GNB1: variants seen among roughly 807,000 people sequenced by gnomAD.
GNB1 encodes the protein guanine nucleotide-binding protein G(I)/G(S)/G(T) subunit beta-1.
A neutral mutation model predicts 42.9 loss-of-function variants in GNB1; 2 were observed. That is an observed-to-expected ratio of 0.05 (90% confidence interval 0.02 to 0.15). The LOEUF (loss-of-function observed/expected upper bound fraction) is 0.15, where lower values mean the gene tolerates loss of function less well. GNB1 is among the 10% of genes least tolerant of loss of function. The pLI is 1.00. For missense variants in GNB1, 193 were observed against 462.2 expected (o/e 0.42, Z 5.34); for synonymous variants, 183 against 174.7 (o/e 1.05, Z -0.38).
chr1:1,811,142 G>C (rs1026493204), intron 5 of GNB1, among the ~76,000 whole-genome samples: 2 of 150,050 alleles, frequency 1.3e-5, no homozygotes, highest in African/African-American at 2.5e-5. Flanking sequence ...CTGGAGTGCA[G>C]TGGTGTGATC....
chr1:1,818,714 A>G (rs1329125435), intron 3 of GNB1, among the ~76,000 whole-genome samples: 1 of 151,720 alleles, frequency 6.6e-6, no homozygotes, highest in Admixed American at 6.6e-5. Context: ...AATACAAAAA[A>G]TAGCTGGGTG....
intron 5 of GNB1, among the ~76,000 whole-genome samples, chr1:1,812,403 TAC>T (rs1468991069): frequency 1.8e-5 from 1 of 55,614 alleles, no homozygotes; most frequent in African/African-American, 3.9e-5. Flanking sequence ...TACACACACA[TAC>T]ATACACACAC....
chr1:1,805,348 T>C (rs1646682508), intron 6 of GNB1, among the ~76,000 whole-genome samples: 1 of 146,830 alleles, frequency 6.8e-6, no homozygotes, highest in Non-Finnish European at 1.5e-5. Context: ...TAATCCCAGC[T>C]ACTCAAGGAG....
chr1:1,877,316 A>AAT lies in GNB1; in HGVS notation c.-96+13502_-96+13503dup, dbSNP rs1553206589. Among the ~76,000 whole-genome samples the AAT allele has an allele frequency of 1.3e-3, 154 of 121,676 alleles. 2 individuals are homozygous for AAT. The highest frequency in any genetic ancestry group is 3.9e-3 in the Middle Eastern group (1 of 254). 79.8% of individuals were successfully genotyped at this position (121,676 alleles called of 152,430 possible). A position where few individuals can be genotyped will look rare whatever the true frequency, so the allele number is the denominator to read the frequency against. On this transcript the variant is annotated intron_variant, in intron 1 of 11. Coordinates refer to ENST00000378609, the MANE Select transcript of GNB1 (RefSeq NM_002074.5). ...TCTGTCTCAAAAAAAAAAAAAAAAA[A>AAT]ATATATATATATATACACACACACA...
At chr1:1,789,690 C>T (rs562709564) in intron 9 of GNB1, among the ~76,000 whole-genome samples, 4 of 118,860 alleles carry the variant, frequency 3.4e-5, no homozygotes, top group Admixed American at 8.4e-5. Context: ...AGCAAAACTC[C>T]GTCTCAAAAA....
At chr1:1,789,929 C>T (rs779143033) in intron 9 of GNB1, among the ~76,000 whole-genome samples, 1 of 152,164 alleles carries the variant, frequency 6.6e-6, no homozygotes. Context: ...AGGAGGGAAG[C>T]GGGCTGACCA....
At chr1:1,804,071 A>G (rs1421032847) in intron 7 of GNB1, among the ~76,000 whole-genome samples, 1 of 148,462 alleles carries the variant, frequency 6.7e-6, no homozygotes, top group African/African-American at 2.5e-5. Context: ...AGGTGGGTGG[A>G]TCACGAGGTT....
At chr1:1,820,971 CTTCAAG>C (rs1646923772) in intron 3 of GNB1, among the ~76,000 whole-genome samples, 1 of 152,200 alleles carries the variant, frequency 6.6e-6, no homozygotes, top group Admixed American at 6.5e-5. Flanking sequence ...AAGAAAAAGT[CTTCAAG>C]TTCTTTCAGA....
intron 1 of GNB1, among the ~76,000 whole-genome samples, chr1:1,890,151 C>T (rs1036428405): frequency 3.9e-5 from 6 of 152,232 alleles, no homozygotes; most frequent in African/African-American, 1.4e-4. Flanking sequence ...CAGACCCGGG[C>T]CTCGGCAGGA....
intron 5 of GNB1, among the ~76,000 whole-genome samples, chr1:1,811,588 C>T (rs900218141): frequency 9.9e-5 from 15 of 151,198 alleles, no homozygotes; most frequent in African/African-American, 3.6e-4. Context: ...CCCAGCTACT[C>T]GGGAGGCTGA....
At chr1:1,851,580 A>C (rs1270021325) in intron 1 of GNB1, among the ~76,000 whole-genome samples, 1 of 152,006 alleles carries the variant, frequency 6.6e-6, no homozygotes, top group African/African-American at 2.4e-5. Flanking sequence ...ATTAAATTTA[A>C]TTTAAAAAAA....
chr1:1,884,947 T>C (rs1270024713), intron 1 of GNB1, among the ~76,000 whole-genome samples: 1 of 151,868 alleles, frequency 6.6e-6, no homozygotes, highest in Non-Finnish European at 1.5e-5. Flanking sequence ...CCTCCCAAAG[T>C]GCTGGGATTA....
intron 4 of GNB1, among the ~76,000 whole-genome samples, chr1:1,816,382 T>C (rs1646856394): frequency 2.6e-5 from 4 of 152,310 alleles, no homozygotes; most frequent in South Asian, 2.1e-4. Context: ...CTGATGTTAA[T>C]GAGTTTAGGT....
At chr1:1,791,082 C>G (rs948284697) in intron 8 of GNB1, among the ~76,000 whole-genome samples, 3 of 152,066 alleles carry the variant, frequency 2.0e-5, no homozygotes, top group Non-Finnish European at 1.5e-5. Context: ...GCCAGGTAAA[C>G]AAATGGCTCA....
At chr1:1,824,999 CTTTT>C (rs755341666) in intron 3 of GNB1, 74 of 163,496 alleles carry the variant, frequency 4.5e-4, no homozygotes, top group Non-Finnish European at 8.8e-4. Flanking sequence ...ACCTGAAATA[CTTTT>C]TTTATTGTTG....
intron 7 of GNB1, among the ~76,000 whole-genome samples, chr1:1,799,784 G>C (rs1198520810): frequency 6.6e-6 from 1 of 152,218 alleles, no homozygotes; most frequent in Admixed American, 6.5e-5. Context: ...CAACCCCAGG[G>C]CTACAGCCTC....
intron 1 of GNB1, among the ~76,000 whole-genome samples, chr1:1,849,340 C>A (rs916050748): frequency 6.6e-6 from 1 of 152,210 alleles, no homozygotes; most frequent in African/African-American, 2.4e-5. Context: ...ATGGGATACA[C>A]TTCTGCCTGA....
At chr1:1,833,713 C>T (rs1437637039) in intron 2 of GNB1, among the ~76,000 whole-genome samples, 1 of 152,202 alleles carries the variant, frequency 6.6e-6, no homozygotes, top group Non-Finnish European at 1.5e-5. Context: ...TGCTGCTTTG[C>T]ATGGCTGTTA....
chr1:1,890,529 G>A (rs1650437816), intron 1 of GNB1: 2 of 147,818 alleles, frequency 1.4e-5, no homozygotes, highest in South Asian at 1.9e-4. Flanking sequence ...GCCGCCACGG[G>A]AAGCGCCCGC....
Sources: allele counts gnomAD v4.1 joint callset (sites outside exome capture counted in the v4.1 genomes callset), GRCh38; gene constraint gnomAD v4.1.1; transcripts MANE v1.5; gene names NCBI Gene and HGNC (gene_info 2026-07-23, HGNC 2026-07-21).